The following OTUD7A variants were observed in gnomAD, a reference collection of about 807,000 sequenced individuals.
OTUD7A encodes OTU domain-containing protein 7A.
A neutral mutation model predicts 65.7 loss-of-function variants in OTUD7A; 12 were observed. That is an observed-to-expected ratio of 0.18 (90% confidence interval 0.12 to 0.30). The LOEUF (loss-of-function observed/expected upper bound fraction) is 0.30, where lower values mean the gene tolerates loss of function less well. Ranked by LOEUF, OTUD7A falls within the 10% of genes least tolerant of loss-of-function variation. The pLI, the probability that OTUD7A is intolerant of heterozygous loss-of-function variation, is 1.00. For synonymous variants in OTUD7A, 641 were observed against 586.3 expected (o/e 1.09, Z -1.35); for missense variants, 1,148 against 1,304.8 (o/e 0.88, Z 1.85).
At chr15:31,617,975 G>A (rs1595659968) in intron 3 of OTUD7A, among the ~76,000 whole-genome samples, 1 of 147,944 alleles carries the variant, frequency 6.8e-6, no homozygotes, top group African/African-American at 2.6e-5. Context: ...TCCCCTTCCT[G>A]TGTCCAAGTG....
intron 3 of OTUD7A, among the ~76,000 whole-genome samples, chr15:31,640,307 A>T (rs1891471956): frequency 6.6e-6 from 1 of 152,220 alleles, no homozygotes; most frequent in African/African-American, 2.4e-5. Context: ...TTCAGTGTAT[A>T]CTGCTCGGGT....
intron 8 of OTUD7A, among the ~76,000 whole-genome samples, chr15:31,506,997 A>G (rs1467321574): frequency 6.6e-6 from 1 of 152,212 alleles, no homozygotes; most frequent in Non-Finnish European, 1.5e-5. Flanking sequence ...AATTGTTTTT[A>G]AAGTGTGAAT....
At chr15:31,720,207 T>C (rs970361395) in intron 1 of OTUD7A, among the ~76,000 whole-genome samples, 9 of 150,522 alleles carry the variant, frequency 6.0e-5, no homozygotes, top group Middle Eastern at 3.2e-3. Context: ...GAATTGGCCA[T>C]ATTGTATAGA....
chr15:31,602,788 C>T (rs994883735), intron 3 of OTUD7A, among the ~76,000 whole-genome samples: 1 of 146,280 alleles, frequency 6.8e-6, no homozygotes, highest in Non-Finnish European at 1.5e-5. Flanking sequence ...GCAAAAATCA[C>T]AAGCATTCCT....
At position 31,858,108 on chromosome 15, in the gene OTUD7A, G is replaced by T. The variant is rs55654450; in HGVS notation, c.-100+12399C>A. On this transcript the variant is annotated intron_variant, in intron 1 of 12. Transcript: ENST00000307050. Reference sequence around the variant, plus strand: ...CTCCTGCCAAGATAAAATAACAAGGGGGCAGGTGATAAGGAGTATTGTTCA... The same window carrying T: ...CTCCTGCCAAGATAAAATAACAAGGTGGCAGGTGATAAGGAGTATTGTTCA... 5.9e-3 allele frequency among the ~76,000 whole-genome samples: 895 copies of T among 152,260 alleles called. 3 individuals carry two copies. Among genetic ancestry groups the T allele is most frequent in the Middle Eastern group, 0.02 (6 of 294 alleles).
rs1213201610 is a variant in OTUD7A, at chr15:31,511,114, CAT to C, written c.894-7298_894-7297del. 3.2e-4 allele frequency among the ~76,000 whole-genome samples: 11 copies of C among 34,912 alleles called. 3 individuals are homozygous for C. The highest frequency in any genetic ancestry group is 8.8e-4 in the Admixed American group (2 of 2,276). The allele number at this position is 34,912 out of a possible 152,430, so 22.9% of individuals were successfully genotyped here. A position where few individuals can be genotyped will look rare whatever the true frequency, so the allele number is the denominator to read the frequency against. On this transcript the variant is annotated intron_variant, in intron 8 of 12. Coordinates refer to ENST00000307050, the MANE Select transcript of OTUD7A (RefSeq NM_001382637.1). ...CATACATATGTATATCTATATGTAA[CAT>C]ACATATGTATATCTATATGTAACAT...
chr15:31,787,646 C>A (rs1257471168), intron 1 of OTUD7A: 1 of 152,182 alleles, frequency 6.6e-6, no homozygotes, highest in Non-Finnish European at 1.5e-5. Context: ...GTGGAAAGTT[C>A]TTTTGACTTA....
chr15:31,763,359 G>A (rs1895021171), intron 1 of OTUD7A, among the ~76,000 whole-genome samples: 1 of 152,022 alleles, frequency 6.6e-6, no homozygotes, highest in African/African-American at 2.4e-5. Context: ...AGAATCAAGT[G>A]GAAATTTTAG....
At position 31,477,734 on chromosome 15, in the gene OTUD7A, C is replaced by G. The variant is rs1282358684; in HGVS notation, c.*5560G>C. The G allele has an allele frequency of 6.6e-6, 1 of 152,166 alleles. No homozygotes were observed. Among genetic ancestry groups the G allele is most frequent in the Non-Finnish European group, 1.5e-5 (1 of 68,028 alleles). The allele number at this position is 152,166 out of a possible 1,614,324, so 9.4% of individuals were successfully genotyped here. ...AGGCACTGTTGTAGGCACCAGGATA[C>G]AGCAATGAGCAAGACATATAAAAGT... On this transcript the variant is annotated 3_prime_UTR_variant, in exon 13 of 13. Coordinates refer to ENST00000307050, the MANE Select transcript of OTUD7A (RefSeq NM_001382637.1).
chr15:31,779,677 C>T (rs543967888), intron 1 of OTUD7A, among the ~76,000 whole-genome samples: 31 of 152,238 alleles, frequency 2.0e-4, no homozygotes, highest in African/African-American at 7.5e-4. Flanking sequence ...GCTCCTAGTG[C>T]AACTTCCTGA....
At chr15:31,839,972 T>C (rs1359642334) in intron 1 of OTUD7A, among the ~76,000 whole-genome samples, 1 of 152,184 alleles carries the variant, frequency 6.6e-6, no homozygotes, top group Non-Finnish European at 1.5e-5. Flanking sequence ...GTTTATGTTA[T>C]TTTGTCTTGC....
chr15:31,621,069 G>A (rs1013964031), intron 3 of OTUD7A, among the ~76,000 whole-genome samples: 1 of 150,026 alleles, frequency 6.7e-6, no homozygotes, highest in Non-Finnish European at 1.5e-5. Context: ...CCATGTAGTT[G>A]AGCGGTTTTG....
chr15:31,670,366 A>G (rs1264865426), intron 1 of OTUD7A, among the ~76,000 whole-genome samples: 4 of 152,206 alleles, frequency 2.6e-5, no homozygotes, highest in African/African-American at 9.7e-5. Flanking sequence ...ACTGTTTTCC[A>G]CAATGGTTGA....
chr15:31,582,485 G>A (rs1332116324), intron 3 of OTUD7A, among the ~76,000 whole-genome samples: 1 of 152,210 alleles, frequency 6.6e-6, no homozygotes, highest in African/African-American at 2.4e-5. Context: ...GTAATTTGTA[G>A]AGGAAACAGA....
intron 1 of OTUD7A, among the ~76,000 whole-genome samples, chr15:31,694,186 G>A (rs187730137): frequency 0.014 from 2,066 of 152,192 alleles, 48 homozygotes; most frequent in African/African-American, 0.048. Context: ...CCAGTGGAGG[G>A]GGCCCACGCA....
chr15:31,659,918 C>G (rs1892110771), intron 1 of OTUD7A, among the ~76,000 whole-genome samples: 1 of 152,250 alleles, frequency 6.6e-6, no homozygotes, highest in Non-Finnish European at 1.5e-5. Context: ...TGCAAAGCCC[C>G]TGCAACCCTG....
intron 1 of OTUD7A, among the ~76,000 whole-genome samples, chr15:31,752,169 CAAGA>C (rs767579275): frequency 4.0e-5 from 6 of 151,840 alleles, no homozygotes; most frequent in Admixed American, 6.6e-5. Flanking sequence ...TTGAATCAAA[CAAGA>C]AAGAAAAACA....
intron 1 of OTUD7A, among the ~76,000 whole-genome samples, chr15:31,856,328 T>C (rs1185427959): frequency 6.6e-6 from 1 of 152,214 alleles, no homozygotes; most frequent in Non-Finnish European, 1.5e-5. Context: ...GCATGGGGAT[T>C]GAGGGAAGAA....
intron 5 of OTUD7A, chr15:31,557,812 G>A (rs1888547658): frequency 1.3e-5 from 2 of 152,084 alleles, no homozygotes; most frequent in African/African-American, 2.4e-5. Context: ...TCTTCTTCTG[G>A]AACTCTAGAA....
Sources: gnomAD v4.1 joint callset for allele counts (sites outside exome capture counted in the v4.1 genomes callset) on GRCh38, gnomAD v4.1.1 for gene constraint, MANE v1.5 for transcripts, NCBI Gene and HGNC (gene_info 2026-07-23, HGNC 2026-07-21) for gene names.